SMIM36: variants seen among roughly 807,000 people sequenced by gnomAD.
SMIM36 encodes small integral membrane protein 36.
At chr17:55,497,908 T>G (rs1909837096) in intron 1 of SMIM36, among the ~76,000 whole-genome samples, 1 of 152,222 alleles carries the variant, frequency 6.6e-6, no homozygotes, top group African/African-American at 2.4e-5. Context: ...TCCTAAACAT[T>G]CCTTTTAGAT....
chr17:55,458,785 A>C (rs140153088), intron 4 of SMIM36, among the ~76,000 whole-genome samples: 11 of 152,128 alleles, frequency 7.2e-5, no homozygotes, highest in African/African-American at 2.7e-4. Context: ...GAGAGGCCCA[A>C]CTGCAGGGGA....
chr17:55,458,210 T>C (rs903021894), intron 4 of SMIM36: 11 of 152,202 alleles, frequency 7.2e-5, no homozygotes, highest in African/African-American at 2.7e-4. Context: ...GCTATCTGGA[T>C]GTTCTATTAC....
chr17:55,467,305 A>G (rs1429522864), exon 4 of SMIM36: 1 of 152,128 alleles, frequency 6.6e-6, no homozygotes, highest in Non-Finnish European at 1.5e-5. Context: ...TCTAATTTCT[A>G]TTGGGGCCAG....
At chr17:55,481,074 C>T (rs1006120098) in intron 1 of SMIM36, among the ~76,000 whole-genome samples, 1 of 151,776 alleles carries the variant, frequency 6.6e-6, no homozygotes, top group Non-Finnish European at 1.5e-5. Flanking sequence ...CTCTGTCTCC[C>T]TGTCTCTGTC....
chr17:55,456,357 C>T (rs1376124746), intron 4 of SMIM36, among the ~76,000 whole-genome samples: 1 of 152,126 alleles, frequency 6.6e-6, no homozygotes, highest in Non-Finnish European at 1.5e-5. Context: ...CCCTGCTGTG[C>T]CTCAGTTTTC....
At chr17:55,520,211 C>A in the SMIM36 span, among the ~76,000 whole-genome samples, 3 of 152,092 alleles carry the variant, frequency 2.0e-5, no homozygotes, top group African/African-American at 4.8e-5. Flanking sequence ...TTTTGTTTCC[C>A]TCTTATAAGG....
the SMIM36 span, among the ~76,000 whole-genome samples, chr17:55,521,806 T>C: frequency 6.6e-6 from 1 of 151,982 alleles, no homozygotes; most frequent in Non-Finnish European, 1.5e-5. Flanking sequence ...GGGCTCTACA[T>C]TTAAAATATA....
At chr17:55,520,883 C>T in the SMIM36 span, among the ~76,000 whole-genome samples, 218 of 152,270 alleles carry the variant, frequency 1.4e-3, 1 homozygote, top group African/African-American at 4.8e-3. Flanking sequence ...GTAATCCCAG[C>T]ATTTTGGGAG....
chr17:55,517,335 G>A, the SMIM36 span, among the ~76,000 whole-genome samples: 98 of 152,326 alleles, frequency 6.4e-4, no homozygotes, highest in African/African-American at 2.3e-3. Flanking sequence ...TGGATCATCT[G>A]AGGTCAGGAG....
chr17:55,517,258 G>T, the SMIM36 span, among the ~76,000 whole-genome samples: 1 of 152,138 alleles, frequency 6.6e-6, no homozygotes, highest in Non-Finnish European at 1.5e-5. Flanking sequence ...AGATACAAAA[G>T]GTAAGAGATG....
exon 1 of SMIM36, chr17:55,511,173 G>C (rs937685657): frequency 5.0e-6 from 2 of 398,626 alleles, no homozygotes; most frequent in East Asian, 7.1e-5. Flanking sequence ...TGGAGGGCTG[G>C]GCCTCGAGAG....
chr17:55,457,005 A>G (rs1176816428), intron 4 of SMIM36, among the ~76,000 whole-genome samples: 1 of 152,206 alleles, frequency 6.6e-6, no homozygotes. Context: ...GTGTGAGAGG[A>G]TTGCGAATGG....
intron 4 of SMIM36, among the ~76,000 whole-genome samples, chr17:55,458,655 G>T (rs1314638469): frequency 1.3e-5 from 2 of 149,864 alleles, no homozygotes; most frequent in Non-Finnish European, 3.0e-5. Flanking sequence ...ACAAGCAGCT[G>T]GTCGTTGAGA....
intron 1 of SMIM36, among the ~76,000 whole-genome samples, chr17:55,507,618 A>AC (rs1910098585): frequency 7.2e-6 from 1 of 138,284 alleles, no homozygotes. Flanking sequence ...TGGGAGATAT[A>AC]CCTAATGCTA....
intron 1 of SMIM36, among the ~76,000 whole-genome samples, chr17:55,494,189 T>C (rs1386694514): frequency 6.6e-6 from 1 of 152,162 alleles, no homozygotes; most frequent in East Asian, 1.9e-4. Context: ...ATTTGTTTAT[T>C]GGGTGCTGCG....
At chr17:55,463,384 T>A (rs1055794772) in intron 4 of SMIM36, among the ~76,000 whole-genome samples, 1 of 151,582 alleles carries the variant, frequency 6.6e-6, no homozygotes, top group Non-Finnish European at 1.5e-5. Flanking sequence ...TGAGAACCCA[T>A]CCCTAAAAAA....
rs183587458 is a variant in SMIM36 at position 55,476,768 on chromosome 17, T to C, written c.*347+1994A>G. 2.0e-3 allele frequency among the ~76,000 whole-genome samples: 310 copies of C among 152,210 alleles called. 1 individual carries two copies. The highest frequency in any genetic ancestry group is 7.2e-3 in the African/African-American group (298 of 41,552). On this transcript the variant is annotated intron_variant, in intron 3 of 4. Coordinates refer to ENST00000636752, the Ensembl canonical transcript of SMIM36. Reference sequence around the variant, plus strand: ...TTTTAATAGAGACGGGGCTTCACCATGTTGGCCAGGCTGGTCTTGAACTCC... The same window carrying C: ...TTTTAATAGAGACGGGGCTTCACCACGTTGGCCAGGCTGGTCTTGAACTCC...
the SMIM36 span, among the ~76,000 whole-genome samples, chr17:55,523,078 A>G: frequency 6.6e-6 from 1 of 152,190 alleles, no homozygotes; most frequent in Non-Finnish European, 1.5e-5. Flanking sequence ...TGATTTCCAG[A>G]ATTCATATAT....
At chr17:55,530,849 C>T in the SMIM36 span, among the ~76,000 whole-genome samples, 30 of 152,044 alleles carry the variant, frequency 2.0e-4, no homozygotes, top group Admixed American at 8.5e-4. Flanking sequence ...GAATTGTCTG[C>T]GGGGAATGAG....
Sources: allele counts gnomAD v4.1 joint callset (sites outside exome capture counted in the v4.1 genomes callset), GRCh38; gene constraint gnomAD v4.1.1; transcripts MANE v1.5; gene names NCBI Gene and HGNC (gene_info 2026-07-23, HGNC 2026-07-21).